ADAMTS17: variants seen among roughly 807,000 people sequenced by gnomAD.
ADAMTS17 encodes ADAM metallopeptidase with thrombospondin type 1 motif 17.
In ADAMTS17, 113 loss-of-function variants were observed where a neutral mutation model predicts 141.5. The ratio of observed to expected loss-of-function variants is 0.80; its 90% CI spans 0.69 to 0.93. The LOEUF (loss-of-function observed/expected upper bound fraction) is 0.93, where lower values mean the gene tolerates loss of function less well. Ranked by LOEUF, ADAMTS17 falls within the 40% of genes least tolerant of loss-of-function variation. ADAMTS17 has a pLI of 0.00. For missense variants in ADAMTS17, 1,659 were observed against 1,517.9 expected (o/e 1.09, Z -1.54); for synonymous variants, 768 against 630.6 (o/e 1.22, Z -3.27).
chr15:100,260,127 G>A (rs1355727059), intron 6 of ADAMTS17, among the ~76,000 whole-genome samples: 1 of 152,144 alleles, frequency 6.6e-6, no homozygotes, highest in Non-Finnish European at 1.5e-5. Context: ...TTACAGGCAT[G>A]AGCCATCGCT....
At chr15:100,291,668 G>A (rs1277571961) in intron 3 of ADAMTS17, among the ~76,000 whole-genome samples, 1 of 152,126 alleles carries the variant, frequency 6.6e-6, no homozygotes, top group South Asian at 2.1e-4. Context: ...CCATAAAAAA[G>A]AATGAGATCA....
chr15:100,013,052 T>C (rs973919620), intron 18 of ADAMTS17, among the ~76,000 whole-genome samples: 4 of 152,352 alleles, frequency 2.6e-5, no homozygotes, highest in Admixed American at 1.3e-4. Context: ...GTGTCATCTA[T>C]GATTTCTTTC....
chr15:100,222,285 C>A (rs2042158301), intron 7 of ADAMTS17, among the ~76,000 whole-genome samples: 1 of 152,202 alleles, frequency 6.6e-6, no homozygotes, highest in Non-Finnish European at 1.5e-5. Flanking sequence ...TGCCTTAAGT[C>A]CTGGCATCCG....
At chr15:100,111,868 T>C (rs765596756) in intron 13 of ADAMTS17, among the ~76,000 whole-genome samples, 11 of 152,246 alleles carry the variant, frequency 7.2e-5, no homozygotes, top group Non-Finnish European at 1.3e-4. Flanking sequence ...AGTGCTCGAC[T>C]GTCTTCAGTT....
In ADAMTS17 at chr15:100,152,606, G is replaced by A. The variant is rs2039224432; in HGVS notation, c.1473+6C>T. On this transcript the variant is annotated splice_donor_region_variant and intron_variant, in intron 10 of 21. Coordinates refer to ENST00000268070, the MANE Select transcript of ADAMTS17 (RefSeq NM_139057.4). Reference sequence around the variant, plus strand: ...GTCCCGAGCCAGCCCTCCCACGGCTGCTTACCTCCATGTTTCTGCAGAAGG... The same window carrying A: ...GTCCCGAGCCAGCCCTCCCACGGCTACTTACCTCCATGTTTCTGCAGAAGG... The A allele has an allele frequency of 2.5e-6, 4 of 1,613,448 alleles. No individual in the cohort carries two copies. Among genetic ancestry groups the A allele is most frequent in the African/African-American group, 2.7e-5 (2 of 74,932 alleles).
At chr15:100,088,251 A>T (rs1263377913) in intron 15 of ADAMTS17, among the ~76,000 whole-genome samples, 1 of 152,224 alleles carries the variant, frequency 6.6e-6, no homozygotes, top group East Asian at 1.9e-4. Context: ...TGCTTCAAAG[A>T]GAATAAAATA....
chr15:100,222,982 G>C (rs1022918089), intron 7 of ADAMTS17, among the ~76,000 whole-genome samples: 1 of 152,224 alleles, frequency 6.6e-6, no homozygotes, highest in Non-Finnish European at 1.5e-5. Flanking sequence ...TACGAAGAAA[G>C]CTAGGCTTTC....
At chr15:100,259,658 G>A (rs1207685756) in intron 6 of ADAMTS17, among the ~76,000 whole-genome samples, 1 of 152,190 alleles carries the variant, frequency 6.6e-6, no homozygotes, top group Non-Finnish European at 1.5e-5. Flanking sequence ...CTTATATATG[G>A]ATTATATATT....
chr15:100,336,425 A>C (rs1466861700), intron 2 of ADAMTS17, among the ~76,000 whole-genome samples: 1 of 152,110 alleles, frequency 6.6e-6, no homozygotes, highest in Non-Finnish European at 1.5e-5. Flanking sequence ...GTGCCTCTCA[A>C]CTCCACAAAA....
At chr15:100,242,795 TCTTA>T (rs912314615) in intron 7 of ADAMTS17, among the ~76,000 whole-genome samples, 63 of 152,352 alleles carry the variant, frequency 4.1e-4, no homozygotes, top group Admixed American at 3.0e-3. Context: ...CCCTCTGTCA[TCTTA>T]CTTCTTTAAA....
At chr15:100,002,140 C>T (rs1304866137) in intron 18 of ADAMTS17, among the ~76,000 whole-genome samples, 2 of 151,868 alleles carry the variant, frequency 1.3e-5, no homozygotes, top group East Asian at 3.9e-4. Flanking sequence ...TTAACTTCCC[C>T]ATCCTGGGCT....
rs2060258466 is a variant in ADAMTS17 at position 99,973,699 on chromosome 15, A to G, written c.*703T>C. 1 of 154,752 alleles carries G rather than the reference A, an allele frequency of 6.5e-6. No homozygotes were observed. Among genetic ancestry groups the G allele is most frequent in the Non-Finnish European group, 1.4e-5 (1 of 69,858 alleles). The allele number at this position is 154,752 out of a possible 1,614,324, so 9.6% of individuals were successfully genotyped here. A position where few individuals can be genotyped will look rare whatever the true frequency, so the allele number is the denominator to read the frequency against. ...CTCTGAAAATTAGATGCTTCCCCAAACCCAGACTCTCTTGGAACATTCTTC... is the reference window on the plus strand; with the variant it reads ...CTCTGAAAATTAGATGCTTCCCCAAGCCCAGACTCTCTTGGAACATTCTTC... On this transcript the variant is annotated 3_prime_UTR_variant, in exon 22 of 22. Coordinates refer to ENST00000268070, the MANE Select transcript of ADAMTS17 (RefSeq NM_139057.4).
chr15:100,066,465 C>G (rs549936505), intron 15 of ADAMTS17, among the ~76,000 whole-genome samples: 12 of 152,096 alleles, frequency 7.9e-5, no homozygotes, highest in African/African-American at 2.9e-4. Context: ...ACCATTTCTT[C>G]CCCACATCAG....
At chr15:100,205,832 A>T (rs1480383707) in intron 7 of ADAMTS17, among the ~76,000 whole-genome samples, 3 of 152,228 alleles carry the variant, frequency 2.0e-5, no homozygotes, top group East Asian at 3.8e-4. Flanking sequence ...AAAGGTGAGC[A>T]GGGATGTTCC....
Position 100,032,019 on chromosome 15 carries a change from G to A in ADAMTS17, c.2591+16838C>T, listed in dbSNP as rs374886788. ...GACGGAGGTGTCCTGTCTATACGCG[G>A]CACTTGGTACAGGTAGATGCATTAC... On this transcript the variant is annotated intron_variant, in intron 18 of 21. Transcript: ENST00000268070. Among the ~76,000 whole-genome samples the A allele has an allele frequency of 3.3e-5, 5 of 152,308 alleles. No individual in the cohort carries two copies. In the East Asian group the frequency reaches 5.8e-4, roughly 18 times the overall value.
intron 4 of ADAMTS17, among the ~76,000 whole-genome samples, chr15:100,269,422 G>C (rs1250466868): frequency 6.6e-6 from 1 of 152,210 alleles, no homozygotes. Context: ...TAGACACATT[G>C]CTGGGATTTT....
chr15:100,086,933 C>A (rs530055762), intron 15 of ADAMTS17, among the ~76,000 whole-genome samples: 1 of 151,956 alleles, frequency 6.6e-6, no homozygotes, highest in African/African-American at 2.4e-5. Flanking sequence ...TTGAAAGAAC[C>A]AGAGAATCAA....
intron 21 of ADAMTS17, 128 bp from the exon 22 acceptor site, chr15:99,974,690 C>A: frequency 8.0e-7 from 1 of 1,250,560 alleles, no homozygotes; most frequent in African/African-American, 1.5e-5. Context: ...CAACCCTTTG[C>A]ACTGATTAGG....
At chr15:100,042,903 T>G (rs903919818) in intron 18 of ADAMTS17, among the ~76,000 whole-genome samples, 3 of 152,188 alleles carry the variant, frequency 2.0e-5, no homozygotes, top group Non-Finnish European at 4.4e-5. Context: ...AAAGTGAAAC[T>G]GCAAATAAGT....
Sources: allele counts gnomAD v4.1 joint callset (sites outside exome capture counted in the v4.1 genomes callset), GRCh38; gene constraint gnomAD v4.1.1; transcripts MANE v1.5; gene names NCBI Gene and HGNC (gene_info 2026-07-23, HGNC 2026-07-21).